Variants in FBXL2 observed in about 807,000 individuals in gnomAD.
FBXL2 encodes F-box and leucine rich repeat protein 2.
In FBXL2, 38 loss-of-function variants were observed where a neutral mutation model predicts 69.2. The ratio of observed to expected loss-of-function variants is 0.55; its 90% CI spans 0.42 to 0.72. FBXL2 has a LOEUF of 0.72. Ranked by LOEUF, FBXL2 falls within the 30% of genes least tolerant of loss-of-function variation. The pLI is 0.00. For synonymous variants in FBXL2, 192 were observed against 201.3 expected, an observed-to-expected ratio of 0.95 and a Z score of 0.39; for missense variants, 354 against 520.3, an observed-to-expected ratio of 0.68 and a Z score of 3.11.
chr3:33,384,371 G>A (rs2043270413), intron 14 of FBXL2, among the ~76,000 whole-genome samples, 170 bp downstream of exon 14: 1 of 152,070 alleles, frequency 6.6e-6, no homozygotes, highest in African/African-American at 2.4e-5. Flanking sequence ...GACCAGTCTG[G>A]TCAAAATGGT....
the FBXL2 span, chr3:33,411,545 A>G: frequency 3.9e-6 from 6 of 1,557,960 alleles, no homozygotes; most frequent in Non-Finnish European, 5.3e-6. Context: ...CTAAATAACT[A>G]GGTTAGTAAG....
chr3:33,390,137 T>G (rs1197524679), downstream of FBXL2: 18 of 605,728 alleles, frequency 3.0e-5, no homozygotes, highest in Non-Finnish European at 3.5e-5. Context: ...CTCACTCTCA[T>G]GAGGATGCTT....
intron 2 of FBXL2, among the ~76,000 whole-genome samples, chr3:33,324,914 A>G (rs1211470755): frequency 1.3e-5 from 2 of 152,096 alleles, no homozygotes; most frequent in South Asian, 2.1e-4. Flanking sequence ...TTTTCACGAT[A>G]TTGATTCTTC....
intron 12 of FBXL2, among the ~76,000 whole-genome samples, chr3:33,402,279 GC>G (rs560768776): frequency 4.6e-5 from 7 of 152,130 alleles, no homozygotes; most frequent in South Asian, 4.2e-4. Context: ...GCCAGTCAAG[GC>G]TGGATAACAG....
chr3:33,360,327 C>G (rs993237696), intron 4 of FBXL2, among the ~76,000 whole-genome samples: 1 of 152,142 alleles, frequency 6.6e-6, no homozygotes, highest in South Asian at 2.1e-4. Flanking sequence ...AACTAATGAT[C>G]TAGGTCAGTT....
At chr3:33,333,723 A>G (rs192753171) in intron 2 of FBXL2, among the ~76,000 whole-genome samples, 4 of 152,276 alleles carry the variant, frequency 2.6e-5, no homozygotes, top group Admixed American at 2.0e-4. Flanking sequence ...AGAGGCCCAA[A>G]TGCAAAGAGG....
At chr3:33,317,309 A>C (rs1041196606) in intron 2 of FBXL2, among the ~76,000 whole-genome samples, 1 of 152,124 alleles carries the variant, frequency 6.6e-6, no homozygotes, top group Non-Finnish European at 1.5e-5. Context: ...CAGAGAATAC[A>C]CTTACACCTC....
rs1261997998 is a variant in FBXL2, at chr3:33,384,132, C to T, written c.1095C>T (p.Cys365=). The T allele has an allele frequency of 1.9e-6, 3 of 1,614,138 alleles. No individual in the cohort carries two copies. The highest frequency in any genetic ancestry group is 2.5e-6 in the Non-Finnish European group (3 of 1,180,030). ...TDVALEHLEN[C]RGLERLELYD... is the part of the protein sequence containing the mutation. ...TGGCCCTGGAACACCTAGAGAACTG[C>T]CGAGGCCTGGAGCGCCTCGAGCTGT... Residue 365 remains cysteine, a synonymous_variant, in exon 14 of 15, where the codon TGC becomes TGT. Transcript: ENST00000484457.
chr3:33,298,541 G>A (rs540447170), intron 2 of FBXL2, among the ~76,000 whole-genome samples: 26 of 151,914 alleles, frequency 1.7e-4, no homozygotes, highest in Admixed American at 1.4e-3. Flanking sequence ...AGGCGTGGTG[G>A]TGCACGCCTG....
At chr3:33,372,980 C>A (rs918489273) in intron 5 of FBXL2, 112 bp from the exon 6 acceptor site, 3 of 876,760 alleles carry the variant, frequency 3.4e-6, no homozygotes, top group Non-Finnish European at 5.8e-6. Context: ...CTGATTGTTA[C>A]GCGCTTTAAT....
downstream of FBXL2, among the ~76,000 whole-genome samples, chr3:33,406,407 A>G (rs1232354087): frequency 6.6e-6 from 1 of 152,212 alleles, no homozygotes; most frequent in Non-Finnish European, 1.5e-5. Context: ...CTACTATCTG[A>G]AAGATTTTCC....
chr3:33,283,281 C>T (rs1451055942), intron 1 of FBXL2, among the ~76,000 whole-genome samples: 1 of 152,102 alleles, frequency 6.6e-6, no homozygotes, highest in Non-Finnish European at 1.5e-5. Flanking sequence ...TTGTCAAAGG[C>T]CTTTTCTGCA....
chr3:33,311,392 G>T (rs1317263615), intron 2 of FBXL2, among the ~76,000 whole-genome samples: 1 of 151,934 alleles, frequency 6.6e-6, no homozygotes, highest in African/African-American at 2.4e-5. Context: ...CTCCTTTTGG[G>T]ATCCACCCTC....
intron 2 of FBXL2, among the ~76,000 whole-genome samples, chr3:33,329,197 A>G (rs1187751313): frequency 6.6e-6 from 1 of 152,236 alleles, no homozygotes; most frequent in Admixed American, 6.5e-5. Flanking sequence ...AGAAATAGAC[A>G]TTAAAATCTC....
the FBXL2 span, chr3:33,408,809 C>G: frequency 6.2e-7 from 1 of 1,606,934 alleles, no homozygotes; most frequent in Non-Finnish European, 8.5e-7. Flanking sequence ...TGGACAAACA[C>G]CAAAGATTGG....
Position 33,378,699 on chromosome 3 carries a change from A to T in FBXL2, c.909A>T (p.Thr303=). The T allele has an allele frequency of 6.2e-7, 1 of 1,613,538 alleles. No homozygotes were observed. The highest frequency in any genetic ancestry group is 8.5e-7 in the Non-Finnish European group (1 of 1,179,814). The change falls in exon 13 of 15, where the codon ACA becomes ACT. Residue 303 remains threonine, a synonymous_variant. Transcript: ENST00000484457. ...TTTCTCTCCAGATAACCGACAGCAC[A>T]CTCATCCAGCTCTCCATTCACTGTC... The part of the protein sequence containing the change: ...LEECILITDS[T]LIQLSIHCPK...
intron 2 of FBXL2, among the ~76,000 whole-genome samples, chr3:33,320,703 A>T (rs2038124720): frequency 6.6e-6 from 1 of 151,778 alleles, no homozygotes; most frequent in East Asian, 1.9e-4. Flanking sequence ...CTGATCTCGA[A>T]CTCCTGACCT....
chr3:33,416,539 C>T, the FBXL2 span, among the ~76,000 whole-genome samples: 8 of 152,198 alleles, frequency 5.3e-5, no homozygotes, highest in Non-Finnish European at 1.0e-4. Flanking sequence ...ATAACTACAA[C>T]TAACTTTTCT....
At chr3:33,331,043 A>T (rs1462553137) in intron 2 of FBXL2, among the ~76,000 whole-genome samples, 3 of 151,578 alleles carry the variant, frequency 2.0e-5, no homozygotes, top group Non-Finnish European at 4.4e-5. Flanking sequence ...TGTATCAATA[A>T]AAGGTTTTTA....
Sources: allele counts gnomAD v4.1 joint callset (sites outside exome capture counted in the v4.1 genomes callset), GRCh38; gene constraint gnomAD v4.1.1; transcripts MANE v1.5; gene names NCBI Gene and HGNC (gene_info 2026-07-23, HGNC 2026-07-21).